DTNA: variants seen among roughly 807,000 people sequenced by gnomAD.
DTNA encodes dystrophin-related protein 3.
DTNA carries 43 observed loss-of-function variants against 100.7 expected under a neutral mutation model. That is an observed-to-expected ratio of 0.43 (90% CI 0.33 to 0.55). The LOEUF is 0.55. DTNA is among the 20% of genes least tolerant of loss of function. The pLI, the probability that DTNA is intolerant of heterozygous loss-of-function variation, is 0.04. For synonymous variants in DTNA, 349 were observed against 347.9 expected (o/e 1.00, Z -0.04); for missense variants, 798 against 953.9 (o/e 0.84, Z 2.15).
At chr18:34,711,297 TTAA>T (rs1430169501) in intron 1 of DTNA, among the ~76,000 whole-genome samples, 1 of 152,174 alleles carries the variant, frequency 6.6e-6, no homozygotes, top group Non-Finnish European at 1.5e-5. Context: ...AACAATTTCT[TTAA>T]TAATAACTTA....
At chr18:34,598,491 A>G (rs1444926469) in intron 1 of DTNA, among the ~76,000 whole-genome samples, 1 of 152,206 alleles carries the variant, frequency 6.6e-6, no homozygotes, top group Non-Finnish European at 1.5e-5. Flanking sequence ...TTCAAATCAC[A>G]GTGTGGTGCT....
chr18:34,579,073 G>A (rs563095951), intron 1 of DTNA, among the ~76,000 whole-genome samples: 34 of 151,368 alleles, frequency 2.2e-4, no homozygotes, highest in South Asian at 2.1e-4. Flanking sequence ...TTTATTTTTC[G>A]TTGTTGTGTC....
At chr18:34,604,595 A>G (rs894515483) in intron 1 of DTNA, among the ~76,000 whole-genome samples, 2 of 152,204 alleles carry the variant, frequency 1.3e-5, no homozygotes, top group Non-Finnish European at 2.9e-5. Context: ...AGTTAATTGT[A>G]TTCATATTCT....
intron 4 of DTNA, among the ~76,000 whole-genome samples, chr18:34,802,766 T>C (rs1391881099): frequency 3.9e-5 from 6 of 152,226 alleles, no homozygotes; most frequent in Admixed American, 1.3e-4. Flanking sequence ...AACATAATTT[T>C]TTTGTTAGAG....
intron 1 of DTNA, among the ~76,000 whole-genome samples, chr18:34,732,483 A>G (rs909105708): frequency 2.0e-5 from 3 of 152,216 alleles, no homozygotes; most frequent in South Asian, 2.1e-4. Flanking sequence ...GGCTAAAGAA[A>G]CAAATGTCAA....
intron 20 of DTNA, among the ~76,000 whole-genome samples, chr18:34,881,436 G>GATTTT (rs1603350679): frequency 1.5e-5 from 1 of 68,424 alleles, no homozygotes; most frequent in African/African-American, 7.7e-5. Context: ...TAATTAAAAT[G>GATTTT]CTTTTTTTTT....
rs142603843 is a variant in DTNA at position 34,771,996 on chromosome 18, G to T, written c.148+5955G>T. Among the ~76,000 whole-genome samples, 339 of 150,934 alleles carry T rather than the reference G, an allele frequency of 2.2e-3. 1 individual carries two copies. The highest frequency in any genetic ancestry group is 3.8e-3 in the Non-Finnish European group (260 of 67,828). The stretch of plus-strand genomic sequence containing the variant: ...GAAATTACTTTGGAGTCAATGAAAT[G>T]CAGCCCTAAAATCATGAACAACAAA... On this transcript the variant is annotated intron_variant, in intron 3 of 22. Coordinates refer to ENST00000444659, the MANE Select transcript of DTNA (RefSeq NM_001386795.1).
intron 1 of DTNA, among the ~76,000 whole-genome samples, chr18:34,698,803 T>C (rs765576522): frequency 7.2e-5 from 11 of 152,200 alleles, no homozygotes; most frequent in Non-Finnish European, 1.2e-4. Flanking sequence ...GCTTTTATTC[T>C]GGCCATGCTG....
chr18:34,583,659 A>G (rs1205686811), intron 1 of DTNA, among the ~76,000 whole-genome samples: 3 of 152,018 alleles, frequency 2.0e-5, no homozygotes, highest in Non-Finnish European at 4.4e-5. Flanking sequence ...GTAGAAACCC[A>G]GGTGTCTGCA....
At chr18:34,627,884 T>G (rs2057543420) in intron 1 of DTNA, among the ~76,000 whole-genome samples, 1 of 152,206 alleles carries the variant, frequency 6.6e-6, no homozygotes, top group Non-Finnish European at 1.5e-5. Context: ...CTTCTAACAT[T>G]AGTTACTTGT....
At chr18:34,791,643 C>G (rs1031928) in intron 3 of DTNA, among the ~76,000 whole-genome samples, 148,437 of 152,318 alleles carry the variant, frequency 0.97, 72,448 homozygotes, top group East Asian at 1. Context: ...TACAGAAAAG[C>G]TTGCAAATTT....
chr18:34,573,302 A>G (rs557048074), intron 1 of DTNA, among the ~76,000 whole-genome samples: 26 of 152,332 alleles, frequency 1.7e-4, no homozygotes, highest in Non-Finnish European at 3.5e-4. Context: ...CTAAATAAAT[A>G]TTAGGAACAA....
At chr18:34,618,417 T>G (rs1599128088) in intron 1 of DTNA, among the ~76,000 whole-genome samples, 1 of 152,166 alleles carries the variant, frequency 6.6e-6, no homozygotes, top group Admixed American at 6.5e-5. Flanking sequence ...AATTACTGTT[T>G]CATTCAAACA....
chr18:34,547,115 A>G (rs1432005512), intron 1 of DTNA, among the ~76,000 whole-genome samples: 3 of 152,146 alleles, frequency 2.0e-5, no homozygotes, highest in Admixed American at 1.3e-4. Flanking sequence ...TACTGCAAAT[A>G]TAAATAATTT....
intron 1 of DTNA, among the ~76,000 whole-genome samples, chr18:34,570,973 G>A (rs2047530531): frequency 6.6e-6 from 1 of 152,130 alleles, no homozygotes; most frequent in African/African-American, 2.4e-5. Context: ...CCATGTATCA[G>A]GCACAGTACT....
At chr18:34,703,022 G>T (rs528798099) in intron 1 of DTNA, among the ~76,000 whole-genome samples, 2 of 152,138 alleles carry the variant, frequency 1.3e-5, no homozygotes, top group East Asian at 3.9e-4. Flanking sequence ...GTGTACTGAG[G>T]ATGTCATAAA....
At position 34,861,485 on chromosome 18, in the gene DTNA, C is replaced by CA. The variant is rs11329850; in HGVS notation, c.1647-2452dup. 4.2e-3 allele frequency among the ~76,000 whole-genome samples: 324 copies of CA among 77,962 alleles called. 25 individuals carry two copies. The highest frequency in any genetic ancestry group is 0.014 in the Admixed American group (73 of 5,050). 51.1% of individuals were successfully genotyped at this position (77,962 alleles called of 152,430 possible). A position where few individuals can be genotyped will look rare whatever the true frequency, so the allele number is the denominator to read the frequency against. On this transcript the variant is annotated intron_variant, in intron 16 of 22. Transcript: ENST00000444659. ...TGGGCGACTGAGCGAGACTCCGTCT[C>CA]AAAAAAAAAAAAAAAAAAAAAAAAA...
chr18:34,556,729 C>A (rs1263962080), intron 1 of DTNA, among the ~76,000 whole-genome samples: 2 of 151,970 alleles, frequency 1.3e-5, no homozygotes, highest in African/African-American at 4.8e-5. Flanking sequence ...AGGGTTTCTG[C>A]CGAGAGATCC....
At chr18:34,647,817 A>G (rs1441019870) in intron 1 of DTNA, among the ~76,000 whole-genome samples, 1 of 152,232 alleles carries the variant, frequency 6.6e-6, no homozygotes, top group Non-Finnish European at 1.5e-5. Flanking sequence ...AGAGCTTGGA[A>G]CATGCCTCTC....
Sources: gnomAD v4.1 joint callset for allele counts (sites outside exome capture counted in the v4.1 genomes callset) on GRCh38, gnomAD v4.1.1 for gene constraint, MANE v1.5 for transcripts, NCBI Gene and HGNC (gene_info 2026-07-23, HGNC 2026-07-21) for gene names.